Variants in ANAPC10 observed in about 807,000 individuals in gnomAD.
ANAPC10 encodes anaphase-promoting complex subunit 10.
A neutral mutation model predicts 22.0 loss-of-function variants in ANAPC10; 12 were observed. The observed-to-expected ratio is 0.55, with a 90% confidence interval of 0.35 to 0.88. The LOEUF (loss-of-function observed/expected upper bound fraction) is 0.88, where lower values mean the gene tolerates loss of function less well. Among genes scored for constraint, ANAPC10 ranks in the 40% least tolerant of loss-of-function variants. The pLI is 0.01. For synonymous variants in ANAPC10, 65 were observed against 69.5 expected (o/e 0.94, Z 0.32); for missense variants, 188 against 220.9 (o/e 0.85, Z 0.94).
Position 145,081,748 on chromosome 4 carries a change from A to G in ANAPC10, c.118T>C (p.Phe40Leu). Residue 40 changes from phenylalanine to leucine, a missense_variant and splice_region_variant, in exon 3 of 5, where the codon TTT becomes CTT. Transcript: ENST00000507656. ...TCATCTCGTAACTGATCCACTCCAA[A>G]TCCTAAAAACACCAAAAGTGTCAAT... ...VWSLSSCKPG[F>L]GVDQLRDDNL... 6.2e-7 allele frequency: 1 copy of G among 1,610,864 alleles called. No homozygotes were observed. Among genetic ancestry groups the G allele is most frequent in the Non-Finnish European group, 8.5e-7 (1 of 1,178,016 alleles).
At chr4:145,074,071 T>G (rs1744858268) in intron 3 of ANAPC10, among the ~76,000 whole-genome samples, 1 of 151,828 alleles carries the variant, frequency 6.6e-6, no homozygotes, top group Non-Finnish European at 1.5e-5. Flanking sequence ...AAAAAATTAT[T>G]AACGAATTTT....
At chr4:145,069,174 C>T (rs972686015) in intron 3 of ANAPC10, among the ~76,000 whole-genome samples, 7 of 152,166 alleles carry the variant, frequency 4.6e-5, no homozygotes, top group African/African-American at 1.7e-4. Context: ...TCCAGAGATG[C>T]TGAGCAACAG....
At chr4:145,097,479 C>G (rs1210730011) in intron 1 of ANAPC10, 1 of 1,286,952 alleles carries the variant, frequency 7.8e-7, no homozygotes, top group East Asian at 5.5e-5. Flanking sequence ...AAAATAGGTG[C>G]AATAGTTCTG....
At chr4:144,999,467 T>C (rs958890113) in intron 4 of ANAPC10, among the ~76,000 whole-genome samples, 3 of 152,126 alleles carry the variant, frequency 2.0e-5, no homozygotes, top group Non-Finnish European at 2.9e-5. Flanking sequence ...TACCTAGGAA[T>C]ACAACTTACA....
At chr4:145,065,116 T>A (rs543738311) in intron 3 of ANAPC10, among the ~76,000 whole-genome samples, 1 of 152,076 alleles carries the variant, frequency 6.6e-6, no homozygotes, top group South Asian at 2.1e-4. Context: ...ACTAGCTAAG[T>A]GAGGAACTGG....
intron 3 of ANAPC10, among the ~76,000 whole-genome samples, chr4:145,074,462 A>G (rs1744916650): frequency 1.3e-5 from 2 of 152,166 alleles, no homozygotes; most frequent in South Asian, 4.1e-4. Context: ...AAAACCAAGA[A>G]ATATGAAAAT....
intron 3 of ANAPC10, among the ~76,000 whole-genome samples, chr4:145,079,871 T>C (rs1745711735): frequency 6.6e-6 from 1 of 152,084 alleles, no homozygotes; most frequent in Non-Finnish European, 1.5e-5. Flanking sequence ...CCCAGCACTT[T>C]GGGAGGCCGA....
In ANAPC10 at chr4:145,081,605, GATTT is replaced by G. The variant is rs200996035; in HGVS notation, c.206+51_206+54del. 535 of 1,092,792 alleles carry G rather than the reference GATTT, an allele frequency of 4.9e-4. 4 individuals carry two copies. In the East Asian group the frequency reaches 0.012, roughly 25 times the overall value. 67.7% of individuals were successfully genotyped at this position (1,092,792 alleles called of 1,614,324 possible). A position where few individuals can be genotyped will look rare whatever the true frequency, so the allele number is the denominator to read the frequency against. ...CTTTAATTTTTATGTTAATAAAATAGATTTATTTGTCTATAACCTACAGTAGATG... is the reference window on the plus strand; with the variant it reads ...CTTTAATTTTTATGTTAATAAAATAGATTTGTCTATAACCTACAGTAGATG... On this transcript the variant is annotated intron_variant, in intron 3 of 4. Coordinates refer to ENST00000507656, the MANE Select transcript of ANAPC10 (RefSeq NM_001256706.2).
chr4:145,021,150 A>G (rs1735912499), intron 4 of ANAPC10, among the ~76,000 whole-genome samples: 1 of 152,156 alleles, frequency 6.6e-6, no homozygotes. Context: ...TACCATCATC[A>G]TTCTTCACAG....
chr4:145,064,298 T>G (rs1162323811), intron 4 of ANAPC10: 4 of 223,232 alleles, frequency 1.8e-5, no homozygotes, highest in Non-Finnish European at 2.6e-5. Flanking sequence ...TATTAACAAC[T>G]GAAGAATCTA....
chr4:145,014,778 C>T (rs982835080), intron 4 of ANAPC10, among the ~76,000 whole-genome samples: 1 of 152,132 alleles, frequency 6.6e-6, no homozygotes, highest in Non-Finnish European at 1.5e-5. Context: ...GCAGACAATG[C>T]CCAGTACCAG....
chr4:145,009,134 T>C (rs1043938661), intron 4 of ANAPC10, among the ~76,000 whole-genome samples: 2 of 152,108 alleles, frequency 1.3e-5, no homozygotes, highest in Non-Finnish European at 2.9e-5. Context: ...ACAAGGGATG[T>C]GAAGGACCTC....
chr4:145,048,295 T>G (rs1249122020), intron 4 of ANAPC10, among the ~76,000 whole-genome samples: 1 of 152,042 alleles, frequency 6.6e-6, no homozygotes, highest in Non-Finnish European at 1.5e-5. Flanking sequence ...ACCAAAGCCA[T>G]CAAAGATTTG....
chr4:144,994,762 A>G lies in ANAPC10; in HGVS notation c.*611T>C, dbSNP rs1048022504. 6.6e-6 allele frequency: 1 copy of G among 152,150 alleles called. No individual in the cohort carries two copies. The highest frequency in any genetic ancestry group is 1.5e-5 in the Non-Finnish European group (1 of 67,990). 9.4% of individuals were successfully genotyped at this position (152,150 alleles called of 1,614,324 possible). ...CAGGCAATCTTTACATAATATCATT[A>G]GGATACAGACAACCCTAGGGCTGTA... On this transcript the variant is annotated 3_prime_UTR_variant, in exon 5 of 5. Coordinates refer to ENST00000507656, the MANE Select transcript of ANAPC10 (RefSeq NM_001256706.2).
Position 145,041,404 on chromosome 4 carries a change from A to C in ANAPC10, c.327+23168T>G, listed in dbSNP as rs116633084. On this transcript the variant is annotated intron_variant, in intron 4 of 4. Coordinates refer to ENST00000507656, the MANE Select transcript of ANAPC10 (RefSeq NM_001256706.2). Reference sequence around the variant, plus strand: ...GTTTTAACTTGTTTCCAAAAATGATAATCATTGATAACTGAGGAGAAAAAG... The same window carrying C: ...GTTTTAACTTGTTTCCAAAAATGATCATCATTGATAACTGAGGAGAAAAAG... Among the ~76,000 whole-genome samples, 616 of 152,354 alleles carry C rather than the reference A, an allele frequency of 4.0e-3. 7 individuals carry two copies. The highest frequency in any genetic ancestry group is 0.014 in the African/African-American group (570 of 41,586).
chr4:145,025,837 G>C (rs1028229129), intron 4 of ANAPC10, among the ~76,000 whole-genome samples: 4 of 152,092 alleles, frequency 2.6e-5, no homozygotes, highest in African/African-American at 7.2e-5. Flanking sequence ...ATAAAATGAG[G>C]TATGTCTGTA....
At chr4:145,058,480 G>A (rs1380495337) in intron 4 of ANAPC10, among the ~76,000 whole-genome samples, 1 of 152,066 alleles carries the variant, frequency 6.6e-6, no homozygotes, top group African/African-American at 2.4e-5. Flanking sequence ...AGAATTTTTT[G>A]CATATCTCTT....
At chr4:145,028,614 T>C (rs1578960390) in intron 4 of ANAPC10, among the ~76,000 whole-genome samples, 1 of 152,188 alleles carries the variant, frequency 6.6e-6, no homozygotes, top group African/African-American at 2.4e-5. Context: ...AGTTGGCTGC[T>C]TAATATGATT....
chr4:145,060,199 C>G (rs1032457468), intron 4 of ANAPC10, among the ~76,000 whole-genome samples: 3 of 151,924 alleles, frequency 2.0e-5, no homozygotes, highest in Admixed American at 2.0e-4. Context: ...GAAAGTAGAA[C>G]GAGAAGCATA....
Sources: allele counts gnomAD v4.1 joint callset (sites outside exome capture counted in the v4.1 genomes callset), GRCh38; gene constraint gnomAD v4.1.1; transcripts MANE v1.5; gene names NCBI Gene and HGNC (gene_info 2026-07-23, HGNC 2026-07-21).